The following WWOX variants were observed in gnomAD, a reference collection of about 807,000 sequenced individuals.
The protein encoded by WWOX is WW domain-containing oxidoreductase.
A neutral mutation model predicts 46.2 loss-of-function variants in WWOX; 69 were observed. That is an observed-to-expected ratio of 1.49 (90% CI 1.23 to 1.82). The LOEUF (loss-of-function observed/expected upper bound fraction) is 1.82, where lower values mean the gene tolerates loss of function less well. WWOX is among the 40% of genes most tolerant of loss of function. The pLI, the probability that WWOX is intolerant of heterozygous loss-of-function variation, is 0.00. For synonymous variants in WWOX, 359 were observed against 202.6 expected (o/e 1.77, Z -6.56); for missense variants, 919 against 542.6 (o/e 1.69, Z -6.89).
intron 6 of WWOX, among the ~76,000 whole-genome samples, chr16:78,415,091 TATA>T (rs1158966940): frequency 2.4e-4 from 36 of 148,462 alleles, no homozygotes; most frequent in African/African-American, 8.1e-4. Flanking sequence ...TATATATAAT[TATA>T]ATACAATATT....
chr16:78,984,170 G>T (rs950008809), intron 8 of WWOX, among the ~76,000 whole-genome samples: 1 of 152,052 alleles, frequency 6.6e-6, no homozygotes, highest in Non-Finnish European at 1.5e-5. Context: ...GAGCCATCGC[G>T]CCCGGCCAGA....
intron 8 of WWOX, among the ~76,000 whole-genome samples, chr16:78,555,996 A>C (rs1037144162): frequency 6.6e-6 from 1 of 152,140 alleles, no homozygotes; most frequent in African/African-American, 2.4e-5. Flanking sequence ...GAGGAAGGGA[A>C]GTAACAGGGA....
At chr16:78,546,537 C>T (rs1009858879) in intron 8 of WWOX, among the ~76,000 whole-genome samples, 3 of 152,160 alleles carry the variant, frequency 2.0e-5, no homozygotes, top group African/African-American at 4.8e-5. Flanking sequence ...ATTTACGATT[C>T]CATTGTTTAT....
chr16:78,324,416 C>T (rs944999182), intron 5 of WWOX, among the ~76,000 whole-genome samples: 27 of 151,986 alleles, frequency 1.8e-4, no homozygotes, highest in African/African-American at 5.6e-4. Context: ...TCCCATATGA[C>T]CTAGCAATTC....
intron 8 of WWOX, among the ~76,000 whole-genome samples, chr16:78,760,641 C>T (rs1752250664): frequency 6.6e-6 from 1 of 152,202 alleles, no homozygotes; most frequent in Non-Finnish European, 1.5e-5. Flanking sequence ...TTGGAGCTCA[C>T]AGCCAAGTCC....
chr16:79,041,492 A>G (rs2047970338), intron 8 of WWOX, among the ~76,000 whole-genome samples: 1 of 152,160 alleles, frequency 6.6e-6, no homozygotes, highest in East Asian at 1.9e-4. Context: ...TGGATGATGG[A>G]GCAGGGATCA....
At chr16:78,496,858 G>A (rs986306987) in intron 8 of WWOX, among the ~76,000 whole-genome samples, 1 of 152,232 alleles carries the variant, frequency 6.6e-6, no homozygotes, top group Non-Finnish European at 1.5e-5. Flanking sequence ...GCTGTGCCAT[G>A]TGCATGGAAG....
At chr16:79,045,376 C>T (rs1176259346) in intron 8 of WWOX, among the ~76,000 whole-genome samples, 1 of 152,122 alleles carries the variant, frequency 6.6e-6, no homozygotes, top group Non-Finnish European at 1.5e-5. Context: ...CAGCTTGTAG[C>T]TTGGAGTGTG....
intron 8 of WWOX, among the ~76,000 whole-genome samples, chr16:78,694,956 C>T (rs548592242): frequency 6.6e-6 from 1 of 152,216 alleles, no homozygotes; most frequent in South Asian, 2.1e-4. Flanking sequence ...GAATATTTCC[C>T]AGCCAGTCTT....
intron 5 of WWOX, among the ~76,000 whole-genome samples, chr16:78,187,953 T>G (rs542967288): frequency 6.6e-6 from 1 of 152,272 alleles, no homozygotes; most frequent in South Asian, 2.1e-4. Flanking sequence ...CCATTTCCAT[T>G]AGGTATTATG....
intron 8 of WWOX, among the ~76,000 whole-genome samples, chr16:78,708,754 C>G (rs529231119): frequency 1.3e-5 from 2 of 152,138 alleles, no homozygotes; most frequent in African/African-American, 4.8e-5. Context: ...TAAAAAGATA[C>G]ATGACGTTGA....
At chr16:78,901,048 G>A (rs538975988) in intron 8 of WWOX, among the ~76,000 whole-genome samples, 2 of 152,136 alleles carry the variant, frequency 1.3e-5, no homozygotes, top group African/African-American at 4.8e-5. Flanking sequence ...TCTCTTTTCA[G>A]ACCCAACCCT....
intron 8 of WWOX, among the ~76,000 whole-genome samples, chr16:78,662,685 G>A (rs1597410500): frequency 6.6e-6 from 1 of 152,284 alleles, no homozygotes; most frequent in South Asian, 2.1e-4. Context: ...ATTGAGCCTG[G>A]TTCAGCATCT....
At chr16:78,220,162 A>T (rs1339359228) in intron 5 of WWOX, among the ~76,000 whole-genome samples, 1 of 152,242 alleles carries the variant, frequency 6.6e-6, no homozygotes, top group South Asian at 2.1e-4. Flanking sequence ...GGTGTCTAGA[A>T]CATGTTGGGA....
chr16:78,374,943 C>T lies in WWOX; in HGVS notation c.517-11917C>T, dbSNP rs916809710. The stretch of plus-strand genomic sequence containing the variant: ...TTAGGTGATCTGCCTACCTCGGCCT[C>T]CCAAAGTGCTGGGATAACAGGCGTG... On this transcript the variant is annotated intron_variant, in intron 5 of 8. Coordinates refer to ENST00000566780, the MANE Select transcript of WWOX (RefSeq NM_016373.4). Among the ~76,000 whole-genome samples, 4 of 152,248 alleles carry T rather than the reference C, an allele frequency of 2.6e-5. 1 individual carries two copies. The East Asian group carries it at 7.7e-4, about 29-fold the overall frequency.
chr16:79,071,897 C>G lies in WWOX; in HGVS notation c.1057-139711C>G, dbSNP rs79932387. Among the ~76,000 whole-genome samples, 138 of 152,304 alleles carry G rather than the reference C, an allele frequency of 9.1e-4. 1 individual carries two copies. The highest frequency in any genetic ancestry group is 5.2e-3 in the East Asian group (27 of 5,178). On this transcript the variant is annotated intron_variant, in intron 8 of 8. Transcript: ENST00000566780. ...CTCCATGTCTGGTGCACCAGATGGT[C>G]TCATTGGGTGGTAGGGTGGCCAAAC...
chr16:78,894,842 A>G (rs1198894914), intron 8 of WWOX, among the ~76,000 whole-genome samples: 2 of 152,214 alleles, frequency 1.3e-5, no homozygotes, highest in African/African-American at 4.8e-5. Context: ...TGCGGCTATT[A>G]TGAGAAAAAC....
intron 8 of WWOX, chr16:78,526,053 C>T (rs975701221): frequency 6.6e-6 from 1 of 152,152 alleles, no homozygotes; most frequent in Non-Finnish European, 1.5e-5. Context: ...AAAGAGGTTT[C>T]CTAACAGTAT....
At chr16:78,536,817 G>T (rs1395513647) in intron 8 of WWOX, among the ~76,000 whole-genome samples, 1 of 151,552 alleles carries the variant, frequency 6.6e-6, no homozygotes, top group Non-Finnish European at 1.5e-5. Flanking sequence ...TTCCATGTCT[G>T]TGTAGCTTCA....
Sources: allele counts gnomAD v4.1 joint callset (sites outside exome capture counted in the v4.1 genomes callset), GRCh38; gene constraint gnomAD v4.1.1; transcripts MANE v1.5; gene names NCBI Gene and HGNC (gene_info 2026-07-23, HGNC 2026-07-21).